FHOD3: variants seen among roughly 807,000 people sequenced by gnomAD.
The protein encoded by FHOD3 is FH1/FH2 domain-containing protein 3.
Under a neutral mutation model 173.0 loss-of-function variants are expected in FHOD3, and 90 were observed. The observed-to-expected ratio is 0.52, with a 90% CI of 0.44 to 0.62. FHOD3 has a LOEUF of 0.62. Ranked by LOEUF, FHOD3 falls within the 20% of genes least tolerant of loss-of-function variation. The pLI is 0.00. For synonymous variants in FHOD3, 828 were observed against 823.0 expected (o/e 1.01, Z -0.10); for missense variants, 1,945 against 2,034.7 (o/e 0.96, Z 0.85).
At chr18:36,390,124 T>C (rs532647635) in intron 3 of FHOD3, among the ~76,000 whole-genome samples, 1 of 152,216 alleles carries the variant, frequency 6.6e-6, no homozygotes, top group East Asian at 1.9e-4. Context: ...GGCTCCGGCA[T>C]TGAGGCTTTG....
At chr18:36,342,364 G>A (rs958494347) in intron 1 of FHOD3, among the ~76,000 whole-genome samples, 1 of 152,050 alleles carries the variant, frequency 6.6e-6, no homozygotes, top group Admixed American at 6.6e-5. Flanking sequence ...TTCAAGAAGT[G>A]CTGTGAATAC....
At chr18:36,379,750 C>T (rs1016223951) in intron 3 of FHOD3, among the ~76,000 whole-genome samples, 4 of 152,328 alleles carry the variant, frequency 2.6e-5, no homozygotes, top group Admixed American at 2.0e-4. Flanking sequence ...AAATACTTTC[C>T]TTTCACAAGT....
intron 9 of FHOD3, among the ~76,000 whole-genome samples, chr18:36,616,475 C>T (rs1191493508): frequency 1.3e-5 from 2 of 152,340 alleles, no homozygotes; most frequent in East Asian, 1.9e-4. Flanking sequence ...AAGCCACCTC[C>T]TCAACTTCTT....
At chr18:36,412,546 T>G (rs187438875) in intron 3 of FHOD3, among the ~76,000 whole-genome samples, 229 of 152,332 alleles carry the variant, frequency 1.5e-3, no homozygotes, top group African/African-American at 5.1e-3. Context: ...AAAGATATTA[T>G]GCGATTTTCC....
rs116630223 is a variant in FHOD3 at position 36,306,368 on chromosome 18, C to T, written c.165+8368C>T. Among the ~76,000 whole-genome samples the T allele has an allele frequency of 8.0e-3, 1,215 of 152,320 alleles. 11 individuals carry two copies. The highest frequency in any genetic ancestry group is 0.027 in the African/African-American group (1,136 of 41,554). ...TGTGTGCTGACATTGCACTGTCTTA[C>T]TCACTGTAGTTTACAGTAGGTCTTG... On this transcript the variant is annotated intron_variant, in intron 1 of 28. Transcript: ENST00000590592.
intron 3 of FHOD3, among the ~76,000 whole-genome samples, chr18:36,476,649 T>C (rs899361279): frequency 6.6e-6 from 1 of 152,252 alleles, no homozygotes; most frequent in Non-Finnish European, 1.5e-5. Flanking sequence ...GGCAGTAATT[T>C]CATGTCGATT....
At chr18:36,340,380 G>A (rs1467891087) in intron 1 of FHOD3, among the ~76,000 whole-genome samples, 1 of 152,176 alleles carries the variant, frequency 6.6e-6, no homozygotes, top group Admixed American at 6.5e-5. Context: ...GTGAATGTTT[G>A]CAGAAGACTA....
At chr18:36,354,539 C>T (rs374962119) in intron 1 of FHOD3, among the ~76,000 whole-genome samples, 29 of 152,248 alleles carry the variant, frequency 1.9e-4, no homozygotes, top group South Asian at 1.9e-3. Flanking sequence ...TGGTGGCTCA[C>T]GCCTGTAATT....
At chr18:36,385,060 A>G (rs548767186) in intron 3 of FHOD3, among the ~76,000 whole-genome samples, 3 of 152,348 alleles carry the variant, frequency 2.0e-5, no homozygotes, top group African/African-American at 7.2e-5. Context: ...ACTGAAATGT[A>G]TATCTTGCCT....
intron 1 of FHOD3, among the ~76,000 whole-genome samples, chr18:36,332,036 T>C (rs1482505978): frequency 6.6e-6 from 1 of 152,176 alleles, no homozygotes; most frequent in Non-Finnish European, 1.5e-5. Flanking sequence ...CCTGCCTGAA[T>C]GTCCTCCTCT....
intron 3 of FHOD3, among the ~76,000 whole-genome samples, chr18:36,423,557 A>G (rs1255310475): frequency 6.6e-6 from 1 of 152,214 alleles, no homozygotes; most frequent in Non-Finnish European, 1.5e-5. Context: ...ATTTCAATGC[A>G]TCGAGCCACC....
chr18:36,684,458 G>A (rs779527270), intron 15 of FHOD3, among the ~76,000 whole-genome samples: 1 of 151,526 alleles, frequency 6.6e-6, no homozygotes, highest in Non-Finnish European at 1.5e-5. Context: ...GGAAGTAAGG[G>A]CAAATACTCT....
chr18:36,553,508 G>A (rs1301520933), intron 5 of FHOD3, among the ~76,000 whole-genome samples: 1 of 152,144 alleles, frequency 6.6e-6, no homozygotes, highest in East Asian at 1.9e-4. Context: ...CCTGCTATTG[G>A]TCTATTCAGG....
intron 17 of FHOD3, among the ~76,000 whole-genome samples, chr18:36,707,587 C>T (rs111674200): frequency 1.9e-3 from 282 of 152,288 alleles, no homozygotes; most frequent in African/African-American, 6.5e-3. Flanking sequence ...GTGATGGCCC[C>T]GTGGGTCCTG....
At chr18:36,623,968 C>T (rs1408480302) in intron 9 of FHOD3, among the ~76,000 whole-genome samples, 1 of 152,204 alleles carries the variant, frequency 6.6e-6, no homozygotes, top group African/African-American at 2.4e-5. Context: ...GATGTTAAAG[C>T]CATATACTGT....
At chr18:36,346,830 C>G (rs1448873134) in intron 1 of FHOD3, among the ~76,000 whole-genome samples, 1 of 152,230 alleles carries the variant, frequency 6.6e-6, no homozygotes, top group African/African-American at 2.4e-5. Flanking sequence ...GGCAGTGAGG[C>G]TCCCCCTCCA....
At chr18:36,302,919 G>A (rs2091992076) in intron 1 of FHOD3, among the ~76,000 whole-genome samples, 1 of 152,200 alleles carries the variant, frequency 6.6e-6, no homozygotes, top group Non-Finnish European at 1.5e-5. Flanking sequence ...TTGAGATCAG[G>A]ATCATGGGAT....
intron 3 of FHOD3, among the ~76,000 whole-genome samples, chr18:36,417,197 T>C (rs1338503683): frequency 6.6e-6 from 1 of 152,160 alleles, no homozygotes; most frequent in African/African-American, 2.4e-5. Flanking sequence ...TTAGTTATTT[T>C]TCTTGATCCT....
chr18:36,779,186 G>C (rs961896507), intron 28 of FHOD3: 1 of 519,296 alleles, frequency 1.9e-6, no homozygotes, highest in Non-Finnish European at 3.5e-6. Context: ...CTCTTTATAA[G>C]TGCCCGCATC....
Sources: allele counts gnomAD v4.1 joint callset (sites outside exome capture counted in the v4.1 genomes callset), GRCh38; gene constraint gnomAD v4.1.1; transcripts MANE v1.5; gene names NCBI Gene and HGNC (gene_info 2026-07-23, HGNC 2026-07-21).